The following NBAS variants were observed in gnomAD, a reference collection of about 807,000 sequenced individuals.
NBAS encodes NBAS subunit of NRZ tethering complex.
In NBAS, 219 loss-of-function variants were observed where a neutral mutation model predicts 302.5. That is an observed-to-expected ratio of 0.72 (90% CI 0.65 to 0.81). NBAS has a LOEUF of 0.81. Ranked by LOEUF, NBAS falls within the 30% of genes least tolerant of loss-of-function variation. NBAS has a pLI of 0.00. For missense variants in NBAS, 2,932 were observed against 2,841.6 expected (o/e 1.03, Z -0.72); for synonymous variants, 1,118 against 1,021.6 (o/e 1.09, Z -1.80).
At chr2:15,181,210 T>C (rs1449519429) in intron 50 of NBAS, among the ~76,000 whole-genome samples, 1 of 152,214 alleles carries the variant, frequency 6.6e-6, no homozygotes, top group Non-Finnish European at 1.5e-5. Flanking sequence ...AACATGCATT[T>C]TCAAGGATTT....
the NBAS span, among the ~76,000 whole-genome samples, chr2:15,114,179 T>C: frequency 6.6e-6 from 1 of 152,214 alleles, no homozygotes; most frequent in South Asian, 2.1e-4. Flanking sequence ...ATAAGTTTGC[T>C]TGGGCTGCCA....
chr2:15,043,998 G>C, the NBAS span, among the ~76,000 whole-genome samples: 2 of 152,274 alleles, frequency 1.3e-5, no homozygotes, highest in Admixed American at 6.5e-5. Context: ...CAGAGCAGAC[G>C]AATAATGAAT....
In NBAS at chr2:15,357,037, C is replaced by T. The variant is rs183409786; in HGVS notation, c.3818-621G>A. 7.0e-4 allele frequency among the ~76,000 whole-genome samples: 107 copies of T among 152,270 alleles called. 2 individuals carry two copies. The highest frequency in any genetic ancestry group is 2.1e-4 in the Non-Finnish European group (14 of 68,030). ...CCTCCACTCTGGATATCTGGTCATC[C>T]CTGGTAATCTGATCAAATCCCTCAT... On this transcript the variant is annotated intron_variant, in intron 32 of 51. Coordinates refer to ENST00000281513, the MANE Select transcript of NBAS (RefSeq NM_015909.4).
the NBAS span, among the ~76,000 whole-genome samples, chr2:14,856,238 G>A: frequency 4.6e-5 from 7 of 152,220 alleles, no homozygotes; most frequent in Non-Finnish European, 1.0e-4. Flanking sequence ...CAGCATTACT[G>A]AACTTGGGGT....
the NBAS span, among the ~76,000 whole-genome samples, chr2:14,997,298 C>T: frequency 6.6e-6 from 1 of 152,090 alleles, no homozygotes; most frequent in Non-Finnish European, 1.5e-5. Context: ...AACCTTGACA[C>T]ATACACCTGA....
chr2:15,144,046 A>ATATATATATATATATATATTATCTTAT, the NBAS span, among the ~76,000 whole-genome samples: 1 of 104,578 alleles, frequency 9.6e-6, no homozygotes, highest in Non-Finnish European at 1.7e-5. Context: ...CCTATATATA[A>ATATATATATATATATATATTATCTTAT]AAATATATAT....
At chr2:15,332,666 A>T (rs758618795) in intron 35 of NBAS, among the ~76,000 whole-genome samples, 1 of 152,200 alleles carries the variant, frequency 6.6e-6, no homozygotes, top group Non-Finnish European at 1.5e-5. Flanking sequence ...AATGAATGAC[A>T]TATAAATAAA....
chr2:15,281,893 G>A (rs1669841472), intron 42 of NBAS, among the ~76,000 whole-genome samples: 1 of 152,198 alleles, frequency 6.6e-6, no homozygotes, highest in Non-Finnish European at 1.5e-5. Context: ...CAGATATATG[G>A]AAGGAATCAC....
chr2:15,190,286 G>T lies in NBAS; in HGVS notation c.6550C>A (p.Pro2184Thr), dbSNP rs1326139234. The T allele has an allele frequency of 6.2e-7, 1 of 1,613,692 alleles. No individual in the cohort carries two copies. The highest frequency in any genetic ancestry group is 8.5e-7 in the Non-Finnish European group (1 of 1,179,862). The change falls in exon 49 of 52, where the codon CCA becomes ACA. Residue 2184 changes from proline (P) to threonine (T), a missense_variant. By Grantham distance (38) the Pro-to-Thr change is conservative. Transcript: ENST00000281513. ...TACACATATTCACTTTTCATAGGTG[G>T]CCAAGCTTGCAAAAGTAAAACCAAG... ...QHLVLLLQAWPPMKSEYVITN... is the reference protein window; with the variant it reads ...QHLVLLLQAWTPMKSEYVITN...
At chr2:14,991,660 T>C in the NBAS span, among the ~76,000 whole-genome samples, 1 of 152,200 alleles carries the variant, frequency 6.6e-6, no homozygotes, top group African/African-American at 2.4e-5. Context: ...CTTCCCCAGA[T>C]GATTCCAATG....
intron 49 of NBAS, among the ~76,000 whole-genome samples, chr2:15,189,777 G>A (rs374689229): frequency 1.3e-5 from 2 of 152,210 alleles, no homozygotes; most frequent in Non-Finnish European, 2.9e-5. Flanking sequence ...GAAGCCTGAA[G>A]TTGTTTAACT....
intron 38 of NBAS, among the ~76,000 whole-genome samples, chr2:15,318,475 C>A (rs1006860601): frequency 6.6e-6 from 1 of 152,102 alleles, no homozygotes; most frequent in African/African-American, 2.4e-5. Context: ...AGTCAAAACC[C>A]ATTACTGTGC....
intron 21 of NBAS, among the ~76,000 whole-genome samples, chr2:15,437,917 A>C (rs1033016613): frequency 6.6e-6 from 1 of 152,232 alleles, no homozygotes; most frequent in African/African-American, 2.4e-5. Flanking sequence ...CAAGGGTCCA[A>C]GAATGAAGTG....
chr2:15,175,711 A>G (rs1198338753), intron 51 of NBAS, among the ~76,000 whole-genome samples: 2 of 152,178 alleles, frequency 1.3e-5, no homozygotes, highest in African/African-American at 4.8e-5. Flanking sequence ...GCTGTTGGCC[A>G]TTTATAAAAG....
chr2:15,452,272 T>C (rs560854318), intron 21 of NBAS, among the ~76,000 whole-genome samples: 9 of 152,302 alleles, frequency 5.9e-5, no homozygotes, highest in African/African-American at 1.9e-4. Context: ...TATTTTACAA[T>C]TCAATATTTT....
intron 28 of NBAS, among the ~76,000 whole-genome samples, chr2:15,385,047 G>C (rs1326379645): frequency 6.6e-6 from 1 of 152,014 alleles, no homozygotes; most frequent in Non-Finnish European, 1.5e-5. Context: ...TGCTTCATTT[G>C]CCTATGCATT....
intron 40 of NBAS, among the ~76,000 whole-genome samples, chr2:15,299,006 A>C (rs1338186175): frequency 2.0e-5 from 3 of 151,812 alleles, no homozygotes; most frequent in African/African-American, 7.3e-5. Flanking sequence ...ACCCAGAATC[A>C]CTCGGAAGTC....
Position 15,474,326 on chromosome 2 carries a change from TA to T in NBAS, c.1342-3del. ...TTTGGGGGCAAGTTTAATCTCACAC[TA>T]AATTGAAAAAGGAGATTTGAAGTTA... On this transcript the variant is annotated splice_region_variant and splice_polypyrimidine_tract_variant and intron_variant, in intron 14 of 51. Coordinates refer to ENST00000281513, the MANE Select transcript of NBAS (RefSeq NM_015909.4). 6.2e-7 allele frequency: 1 copy of T among 1,608,680 alleles called. No homozygotes were observed. Among genetic ancestry groups the T allele is most frequent in the East Asian group, 2.2e-5 (1 of 44,822 alleles).
intron 10 of NBAS, 33 bp from the exon 11 acceptor site, chr2:15,504,246 T>A: frequency 1.4e-6 from 2 of 1,457,460 alleles, no homozygotes; most frequent in Non-Finnish European, 1.9e-6. Flanking sequence ...GAAGAAAGAT[T>A]ACTGAAATGA....
Sources: gnomAD v4.1 joint callset for allele counts (sites outside exome capture counted in the v4.1 genomes callset) on GRCh38, gnomAD v4.1.1 for gene constraint, MANE v1.5 for transcripts, NCBI Gene and HGNC (gene_info 2026-07-23, HGNC 2026-07-21) for gene names.